The following MAGI1 variants were observed in gnomAD, a reference collection of about 807,000 sequenced individuals.
MAGI1 encodes the protein membrane associated guanylate kinase, WW and PDZ domain containing 1, also known as membrane-associated guanylate kinase, WW and PDZ domain-containing protein 1.
In MAGI1, 58 loss-of-function variants were observed where a neutral mutation model predicts 139.9. The observed-to-expected ratio is 0.41, with a 90% CI of 0.34 to 0.52. The LOEUF is 0.52. MAGI1 is among the 20% of genes least tolerant of loss of function. MAGI1 has a pLI of 0.12. For missense variants in MAGI1, 1,874 were observed against 1,901.6 expected (o/e 0.99, Z 0.27); for synonymous variants, 812 against 737.9 (o/e 1.10, Z -1.63).
At chr3:65,515,258 ATG>A (rs1276748007) in intron 2 of MAGI1, among the ~76,000 whole-genome samples, 2 of 140,760 alleles carry the variant, frequency 1.4e-5, no homozygotes, top group African/African-American at 5.3e-5. Context: ...ATGTATACAT[ATG>A]TAACTAACCT....
Position 65,356,375 on chromosome 3 carries a change from G to A in MAGI1, c.*3C>T, listed in dbSNP as rs1038240474. 3.8e-6 allele frequency: 6 copies of A among 1,570,820 alleles called. No homozygotes were observed. The highest frequency in any genetic ancestry group is 2.2e-5 in the East Asian group (1 of 44,486). On this transcript the variant is annotated 3_prime_UTR_variant, in exon 23 of 23. Coordinates refer to ENST00000402939, the MANE Select transcript of MAGI1 (RefSeq NM_001033057.2). ...GGTAAAGGTTGGAATGTGACTCAGC[G>A]TCTCAGATACTGAGGTCGGTGCTAC...
At chr3:65,752,741 G>A (rs2107831696) in intron 1 of MAGI1, among the ~76,000 whole-genome samples, 1 of 152,238 alleles carries the variant, frequency 6.6e-6, no homozygotes, top group Admixed American at 6.5e-5. Flanking sequence ...TGGCTGGCCA[G>A]CCCAGTCTTA....
intron 1 of MAGI1, among the ~76,000 whole-genome samples, chr3:65,698,461 C>A (rs1320682978): frequency 6.7e-6 from 1 of 150,116 alleles, no homozygotes; most frequent in Admixed American, 6.6e-5. Flanking sequence ...CATCACACTA[C>A]CTGACTTCAA....
chr3:65,934,077 C>G (rs111291003), intron 1 of MAGI1, among the ~76,000 whole-genome samples: 1 of 151,936 alleles, frequency 6.6e-6, no homozygotes, highest in Non-Finnish European at 1.5e-5. Context: ...GCTGAGATCG[C>G]GCCACTGCAC....
chr3:65,989,535 T>C (rs77412992), intron 1 of MAGI1, among the ~76,000 whole-genome samples: 4,674 of 152,202 alleles, frequency 0.031, 93 homozygotes, highest in African/African-American at 0.06. Context: ...ATAAATTTAT[T>C]TTTATTTATT....
intron 2 of MAGI1, chr3:65,619,991 A>G: frequency 5.1e-6 from 5 of 985,422 alleles, no homozygotes; most frequent in Non-Finnish European, 6.0e-6. Context: ...TAAAAGACAG[A>G]GTTCGTTTTT....
At chr3:65,715,579 C>A (rs1314070561) in intron 1 of MAGI1, among the ~76,000 whole-genome samples, 1 of 152,086 alleles carries the variant, frequency 6.6e-6, no homozygotes, top group Non-Finnish European at 1.5e-5. Context: ...CGTGCACAAT[C>A]CAGGGAAGGA....
At chr3:65,427,986 T>A (rs543081562) in intron 12 of MAGI1, among the ~76,000 whole-genome samples, 28 of 152,156 alleles carry the variant, frequency 1.8e-4, no homozygotes, top group Admixed American at 7.2e-4. Context: ...AATGACATTT[T>A]AAAAAAAATA....
At chr3:65,979,492 T>G (rs950934973) in intron 1 of MAGI1, among the ~76,000 whole-genome samples, 5 of 152,222 alleles carry the variant, frequency 3.3e-5, no homozygotes, top group African/African-American at 1.2e-4. Flanking sequence ...CCTGATTAAC[T>G]TCTTTGGTGA....
chr3:65,684,868 A>ATT (rs761948943), intron 1 of MAGI1, among the ~76,000 whole-genome samples: 1,027 of 98,176 alleles, frequency 0.01, 101 homozygotes, highest in African/African-American at 0.042. Context: ...CACCTGGCTA[A>ATT]TTTTTTTTTT....
intron 1 of MAGI1, among the ~76,000 whole-genome samples, chr3:66,029,890 C>T (rs745827201): frequency 2.6e-5 from 4 of 152,172 alleles, no homozygotes; most frequent in Admixed American, 1.3e-4. Flanking sequence ...ACTCTAGTAG[C>T]CTCAGCTCTC....
chr3:65,726,494 C>G (rs1220306307), intron 1 of MAGI1, among the ~76,000 whole-genome samples: 1 of 152,118 alleles, frequency 6.6e-6, no homozygotes, highest in Non-Finnish European at 1.5e-5. Flanking sequence ...GCATATATTG[C>G]CCTATTTTTG....
In MAGI1 at chr3:65,530,520, G is replaced by A. The variant is rs149449111; in HGVS notation, c.431-36889C>T. Among the ~76,000 whole-genome samples the A allele has an allele frequency of 6.9e-3, 1,043 of 151,276 alleles. 15 individuals carry two copies. The highest frequency in any genetic ancestry group is 9.0e-3 in the Non-Finnish European group (608 of 67,874). On this transcript the variant is annotated intron_variant, in intron 2 of 22. Coordinates refer to ENST00000402939, the MANE Select transcript of MAGI1 (RefSeq NM_001033057.2). ...TTCCAGCTGCTACTGGAGAGACTGAGGTGGGAGGATTGCTTCAGCCCAGGA... is the reference window on the plus strand; with the variant it reads ...TTCCAGCTGCTACTGGAGAGACTGAAGTGGGAGGATTGCTTCAGCCCAGGA...
chr3:65,604,766 T>A (rs1184137579), intron 2 of MAGI1, among the ~76,000 whole-genome samples: 2 of 151,930 alleles, frequency 1.3e-5, no homozygotes, highest in Admixed American at 1.3e-4. Context: ...AGTCTCTGGC[T>A]TTTATTAGTC....
intron 1 of MAGI1, among the ~76,000 whole-genome samples, chr3:65,977,436 C>T (rs1259490045): frequency 3.3e-5 from 5 of 152,122 alleles, no homozygotes; most frequent in Non-Finnish European, 5.9e-5. Flanking sequence ...CTCGGCCGGG[C>T]GCGGTGGTTC....
chr3:65,763,442 A>G (rs1324413500), intron 1 of MAGI1, among the ~76,000 whole-genome samples: 1 of 152,200 alleles, frequency 6.6e-6, no homozygotes, highest in Non-Finnish European at 1.5e-5. Context: ...TGGCTGAAAA[A>G]AACTAGGAAG....
At chr3:65,657,720 G>A (rs141007600) in intron 1 of MAGI1, among the ~76,000 whole-genome samples, 481 of 152,218 alleles carry the variant, frequency 3.2e-3, no homozygotes, top group African/African-American at 0.011. Context: ...GCTGAGCTTT[G>A]TCTGGTAACA....
chr3:65,647,825 C>T (rs926992642), intron 1 of MAGI1, among the ~76,000 whole-genome samples: 2 of 152,080 alleles, frequency 1.3e-5, no homozygotes, highest in African/African-American at 2.4e-5. Flanking sequence ...ATACCCAAAA[C>T]CCTACATCTG....
At chr3:66,000,242 C>G (rs886135786) in intron 1 of MAGI1, among the ~76,000 whole-genome samples, 3 of 152,040 alleles carry the variant, frequency 2.0e-5, no homozygotes, top group African/African-American at 7.2e-5. Flanking sequence ...TCCCAAAGTG[C>G]CCAGATTACA....
Sources: gnomAD v4.1 joint callset for allele counts (sites outside exome capture counted in the v4.1 genomes callset) on GRCh38, gnomAD v4.1.1 for gene constraint, MANE v1.5 for transcripts, NCBI Gene and HGNC (gene_info 2026-07-23, HGNC 2026-07-21) for gene names.